Variants in NBEA observed in about 807,000 individuals in gnomAD.
The protein encoded by NBEA is lysosomal-trafficking regulator 2.
NBEA carries 44 observed loss-of-function variants against 343.4 expected under a neutral mutation model. That is an observed-to-expected ratio of 0.13 (90% CI 0.10 to 0.16). The LOEUF (loss-of-function observed/expected upper bound fraction) is 0.16, where lower values mean the gene tolerates loss of function less well. Among genes scored for constraint, NBEA ranks in the 10% least tolerant of loss-of-function variants. The pLI is 1.00. For synonymous variants in NBEA, 1,175 were observed against 1,238.7 expected, an observed-to-expected ratio of 0.95 and a Z score of 1.08; for missense variants, 2,555 against 3,631.3, an observed-to-expected ratio of 0.70 and a Z score of 7.62.
intron 40 of NBEA, among the ~76,000 whole-genome samples, chr13:35,465,949 T>A (rs189743805): frequency 6.6e-6 from 1 of 152,260 alleles, no homozygotes; most frequent in East Asian, 1.9e-4. Context: ...TTTTTAAAAT[T>A]ATGTATTATA....
At chr13:35,363,772 T>C (rs1490828381) in intron 38 of NBEA, among the ~76,000 whole-genome samples, 3 of 151,970 alleles carry the variant, frequency 2.0e-5, no homozygotes, top group Non-Finnish European at 2.9e-5. Context: ...CTCCCTTGGA[T>C]GTTTGAACCT....
chr13:35,166,762 A>G (rs901144416), intron 24 of NBEA, among the ~76,000 whole-genome samples: 2 of 152,126 alleles, frequency 1.3e-5, no homozygotes, highest in African/African-American at 4.8e-5. Context: ...TATTCTTGCT[A>G]GAAGTTGTAA....
At chr13:35,030,285 A>T (rs1025815550) in intron 1 of NBEA, among the ~76,000 whole-genome samples, 1 of 151,494 alleles carries the variant, frequency 6.6e-6, no homozygotes, top group African/African-American at 2.4e-5. Flanking sequence ...ATTCTTTTAA[A>T]TTATGGTCTA....
intron 34 of NBEA, chr13:35,251,528 T>C: frequency 8.8e-7 from 1 of 1,139,018 alleles, no homozygotes; most frequent in South Asian, 2.0e-5. Context: ...TCTGGGCTCA[T>C]CCTGGACGTC....
chr13:35,047,959 G>A (rs927185232), intron 4 of NBEA, among the ~76,000 whole-genome samples: 22 of 151,412 alleles, frequency 1.5e-4, no homozygotes, highest in African/African-American at 5.3e-4. Flanking sequence ...TATTTTCAAG[G>A]GAGTCCTATA....
intron 38 of NBEA, among the ~76,000 whole-genome samples, chr13:35,380,506 A>G (rs2041961567): frequency 6.6e-6 from 1 of 152,082 alleles, no homozygotes; most frequent in Non-Finnish European, 1.5e-5. Flanking sequence ...TGTTACAGAT[A>G]TTTCATCAGA....
intron 35 of NBEA, among the ~76,000 whole-genome samples, chr13:35,299,712 G>A (rs1202381257): frequency 2.0e-5 from 3 of 152,164 alleles, no homozygotes; most frequent in African/African-American, 4.8e-5. Flanking sequence ...GCAGAAAAGT[G>A]CATATATGTC....
chr13:35,118,159 T>G, intron 14 of NBEA, 69 bp from the exon 15 acceptor site: 2 of 1,036,636 alleles, frequency 1.9e-6, no homozygotes, highest in Non-Finnish European at 2.7e-6. Flanking sequence ...CAATGATTAT[T>G]TTGACATCTT....
chr13:35,124,744 A>G (rs1459423885), intron 17 of NBEA, among the ~76,000 whole-genome samples: 1 of 151,616 alleles, frequency 6.6e-6, no homozygotes, highest in Non-Finnish European at 1.5e-5. Context: ...ATGGATATAT[A>G]CACACATATG....
intron 46 of NBEA, among the ~76,000 whole-genome samples, chr13:35,592,670 G>A (rs555104418): frequency 6.6e-6 from 1 of 152,232 alleles, no homozygotes; most frequent in East Asian, 1.9e-4. Context: ...TTTAGAGTGT[G>A]AAGAGGGGAA....
intron 38 of NBEA, among the ~76,000 whole-genome samples, chr13:35,397,455 CA>C (rs2042798422): frequency 6.6e-6 from 1 of 152,150 alleles, no homozygotes; most frequent in South Asian, 2.1e-4. Flanking sequence ...ACCTTATCCA[CA>C]AGTATTTTGT....
chr13:35,222,008 A>G (rs927785973), intron 33 of NBEA, among the ~76,000 whole-genome samples: 1 of 152,154 alleles, frequency 6.6e-6, no homozygotes, highest in African/African-American at 2.4e-5. Context: ...GATTTTGTCC[A>G]GCTTTTTTAG....
In NBEA at chr13:35,341,856, C is replaced by A. The variant is rs141463952; in HGVS notation, c.5904-7252C>A. ...GTTAAACATAGAGTTACCATATAAC[C>A]CAGAATTTCATCTGTAGATACATCC... is the stretch of plus-strand genomic sequence containing the variant. On this transcript the variant is annotated intron_variant, in intron 36 of 58. Coordinates refer to ENST00000379939, the MANE Select transcript of NBEA (RefSeq NM_001385012.1). Among the ~76,000 whole-genome samples the A allele has an allele frequency of 3.3e-5, 5 of 152,078 alleles. No individual in the cohort carries two copies. In the East Asian group the frequency reaches 9.7e-4, roughly 29 times the overall value.
chr13:35,133,855 G>A (rs916439620), intron 17 of NBEA, among the ~76,000 whole-genome samples: 2 of 151,966 alleles, frequency 1.3e-5, no homozygotes, highest in African/African-American at 4.8e-5. Context: ...AGAGTGTGAA[G>A]AATGGGATGA....
chr13:35,524,076 A>G (rs969197855), intron 41 of NBEA, among the ~76,000 whole-genome samples: 1 of 152,196 alleles, frequency 6.6e-6, no homozygotes, highest in African/African-American at 2.4e-5. Flanking sequence ...AATGACATTA[A>G]CCCAAATGAA....
At chr13:35,424,443 G>C (rs571162718) in intron 38 of NBEA, among the ~76,000 whole-genome samples, 1 of 152,118 alleles carries the variant, frequency 6.6e-6, no homozygotes, top group East Asian at 1.9e-4. Flanking sequence ...TTATATGCTG[G>C]ATTACATTTA....
chr13:35,603,073 A>G (rs1452604790), intron 47 of NBEA, among the ~76,000 whole-genome samples: 1 of 152,196 alleles, frequency 6.6e-6, no homozygotes, highest in Non-Finnish European at 1.5e-5. Flanking sequence ...CATTTTTTAA[A>G]CAGAAAAGTT....
At chr13:35,360,668 A>T (rs2152874017) in intron 38 of NBEA, among the ~76,000 whole-genome samples, 1 of 152,160 alleles carries the variant, frequency 6.6e-6, no homozygotes, top group Admixed American at 6.6e-5. Flanking sequence ...AAAAGTATAT[A>T]AAAAAACAAA....
At chr13:35,444,988 A>G (rs144165368) in intron 39 of NBEA, among the ~76,000 whole-genome samples, 38 of 152,274 alleles carry the variant, frequency 2.5e-4, no homozygotes, top group African/African-American at 9.1e-4. Context: ...TTCAGGGAGC[A>G]TCCAATCTAG....
Sources: gnomAD v4.1 joint callset for allele counts (sites outside exome capture counted in the v4.1 genomes callset) on GRCh38, gnomAD v4.1.1 for gene constraint, MANE v1.5 for transcripts, NCBI Gene and HGNC (gene_info 2026-07-23, HGNC 2026-07-21) for gene names.